Variants in PPARD observed in about 807,000 individuals in gnomAD.
PPARD encodes peroxisome proliferator-activated receptor delta.
PPARD carries 6 observed loss-of-function variants against 39.5 expected under a neutral mutation model. The observed-to-expected ratio is 0.15, with a 90% confidence interval of 0.08 to 0.30. The LOEUF is 0.30. Among genes scored for constraint, PPARD ranks in the 10% least tolerant of loss-of-function variants. The pLI is 1.00. For synonymous variants in PPARD, 210 were observed against 231.3 expected, an observed-to-expected ratio of 0.91 and a Z score of 0.83; for missense variants, 397 against 596.8, an observed-to-expected ratio of 0.67 and a Z score of 3.49.
At chr6:35,400,629 G>A (rs151330587) in intron 2 of PPARD, among the ~76,000 whole-genome samples, 7,964 of 151,826 alleles carry the variant, frequency 0.052, 302 homozygotes, top group African/African-American at 0.1. Flanking sequence ...GCAAAACCCC[G>A]TCTCTACAAA....
Position 35,425,882 on chromosome 6 carries a change from A to G in PPARD, c.1129A>G (p.Ile377Val). The G allele has an allele frequency of 6.2e-7, 1 of 1,614,076 alleles. No homozygotes were observed. The highest frequency in any genetic ancestry group is 8.5e-7 in the Non-Finnish European group (1 of 1,180,020). ...VPRVEAIQDT[I>V]LRALEFHLQA... ...ACGGGTGGAGGCTATCCAGGACACC[A>G]TCCTGCGTGCCCTCGAATTCCACCT... Residue 377 changes from isoleucine (I) to valine (V), a missense_variant, in exon 8 of 8, where the codon ATC becomes GTC. By Grantham distance (29) the Ile-to-Val change is conservative. Coordinates refer to ENST00000360694, the MANE Select transcript of PPARD (RefSeq NM_006238.5). The surrounding 1 kb of genome is among the most constrained non-coding windows in gnomAD (Gnocchi z 4.5).
At chr6:35,371,905 TC>T (rs1762501358) in intron 2 of PPARD, among the ~76,000 whole-genome samples, 1 of 152,226 alleles carries the variant, frequency 6.6e-6, no homozygotes. Context: ...CTGTTTGAGC[TC>T]CCCTAGTCCA....
intron 3 of PPARD, among the ~76,000 whole-genome samples, chr6:35,416,246 C>T (rs990898562): frequency 5.9e-5 from 9 of 151,394 alleles, no homozygotes; most frequent in African/African-American, 7.3e-5. Flanking sequence ...ACTAGCTGGG[C>T]GCCTGTAATC....
At position 35,365,771 on chromosome 6, in the gene PPARD, G is replaced by A. The variant is rs552828974; in HGVS notation, c.-102+18621G>A. On this transcript the variant is annotated intron_variant, in intron 2 of 7. Coordinates refer to ENST00000360694, the MANE Select transcript of PPARD (RefSeq NM_006238.5). The stretch of plus-strand genomic sequence containing the variant: ...CTCCCAAAGTGCTAGGATTACAGGC[G>A]TGAGTCACCATGCACGGCCTGGATG... Among the ~76,000 whole-genome samples, 9 of 151,836 alleles carry A rather than the reference G, an allele frequency of 5.9e-5. No individual in the cohort carries two copies. The East Asian group carries it at 1.5e-3, about 26-fold the overall frequency.
chr6:35,344,207 C>T (rs1467762263), intron 1 of PPARD, among the ~76,000 whole-genome samples: 1 of 152,074 alleles, frequency 6.6e-6, no homozygotes, highest in African/African-American at 2.4e-5. Flanking sequence ...TTTTCTGAAT[C>T]TAGGGAATCC....
chr6:35,411,239 G>T (rs995354032), intron 3 of PPARD, 22 bp downstream of exon 3: 6 of 1,484,118 alleles, frequency 4.0e-6, no homozygotes, highest in Non-Finnish European at 5.4e-6. Context: ...ACTGGCAGGG[G>T]ACACGGGGCA....
chr6:35,375,808 C>T (rs1223397114), intron 2 of PPARD, among the ~76,000 whole-genome samples: 1 of 152,184 alleles, frequency 6.6e-6, no homozygotes, highest in African/African-American at 2.4e-5. Context: ...CCACCTTGGC[C>T]TCCAAAAGTG....
chr6:35,411,149 C>T lies in PPARD; in HGVS notation c.62C>T (p.Ala21Val). ...GAAGAGGAGGAGAAAGAGGAAGTGG[C>T]AGAGGCAGAAGGAGCCCCAGAGCTC... ...VREEEEKEEV[A>V]EAEGAPELNG... The change falls in exon 3 of 8, where the codon GCA becomes GTA. Residue 21 changes from alanine (A) to valine (V), a missense_variant. Transcript: ENST00000360694. 2.5e-6 allele frequency: 4 copies of T among 1,581,878 alleles called. No individual in the cohort carries two copies. Among genetic ancestry groups the T allele is most frequent in the Non-Finnish European group, 3.4e-6 (4 of 1,162,794 alleles).
Position 35,421,851 on chromosome 6 carries a change from T to A in PPARD, c.317T>A (p.Leu106Gln). ...TTCCGTCGTACGATCCGCATGAAGC[T>A]GGAGTACGAGAAGTGTGAGCGCAGC... Reference protein sequence around the residue: ...GFFRRTIRMKLEYEKCERSCK... With the variant: ...GFFRRTIRMKQEYEKCERSCK... The change falls in exon 5 of 8, where the codon CTG becomes CAG. Residue 106 changes from leucine (L) to glutamine (Q), a missense_variant. By Grantham distance (113) the Leu-to-Gln change is moderately radical. Transcript: ENST00000360694. The A allele has an allele frequency of 6.2e-7, 1 of 1,613,892 alleles. No homozygotes were observed. Among genetic ancestry groups the A allele is most frequent in the Non-Finnish European group, 8.5e-7 (1 of 1,179,848 alleles).
At chr6:35,396,348 G>T (rs1297550766) in intron 2 of PPARD, among the ~76,000 whole-genome samples, 1 of 151,246 alleles carries the variant, frequency 6.6e-6, no homozygotes, top group East Asian at 2.0e-4. Flanking sequence ...GGGACTATAG[G>T]CGCCCGCCAC....
At position 35,424,391 on chromosome 6, in the gene PPARD, G is replaced by A. The variant is rs1488222591; in HGVS notation, c.690G>A (p.Gln230=). 1 of 1,613,896 alleles carries A rather than the reference G, an allele frequency of 6.2e-7. No individual in the cohort carries two copies. The highest frequency in any genetic ancestry group is 8.5e-7 in the Non-Finnish European group (1 of 1,179,934). Residue 230 remains glutamine (Q), a synonymous_variant, in exon 7 of 8, where the codon CAG becomes CAA. Coordinates refer to ENST00000360694, the MANE Select transcript of PPARD (RefSeq NM_006238.5). The surrounding 1 kb of genome is among the most constrained non-coding windows in gnomAD (Gnocchi z 7.1). ...WQAEKGLVWK[Q]LVNGLPPYKE... ...CAGAGAAGGGGCTGGTGTGGAAGCA[G>A]TTGGTGAATGGCCTGCCTCCCTACA...
Position 35,417,101 on chromosome 6 carries a change from A to G in PPARD, c.131-3026A>G, listed in dbSNP as rs912143058. ...CAAGTCATCTTCCCACATTCAGGCA[A>G]TCCTCCCACCTCAGCCTCCCAAGTA... On this transcript the variant is annotated intron_variant, in intron 3 of 7. Coordinates refer to ENST00000360694, the MANE Select transcript of PPARD (RefSeq NM_006238.5). 2.6e-5 allele frequency among the ~76,000 whole-genome samples: 4 copies of G among 152,140 alleles called. No homozygotes were observed. The South Asian group carries it at 8.3e-4, about 32-fold the overall frequency.
intron 2 of PPARD, among the ~76,000 whole-genome samples, chr6:35,407,427 A>C (rs1765128493): frequency 6.8e-6 from 1 of 146,692 alleles, no homozygotes. Context: ...TTCTCTTGGG[A>C]CTCATCCCTT....
chr6:35,364,773 G>A (rs1298442089), intron 2 of PPARD, among the ~76,000 whole-genome samples: 4 of 150,954 alleles, frequency 2.6e-5, no homozygotes, highest in Non-Finnish European at 5.9e-5. Flanking sequence ...GCAGTGGCGC[G>A]ATTTCGCCTC....
rs770202154 is a variant in PPARD at position 35,424,430 on chromosome 6, G to T, written c.729G>T (p.Val243=). 1 of 1,614,192 alleles carries T rather than the reference G, an allele frequency of 6.2e-7. No homozygotes were observed. Among genetic ancestry groups the T allele is most frequent in the Admixed American group, 1.7e-5 (1 of 60,026 alleles). ...NGLPPYKEIS[V]HVFYRCQCTT... is the part of the protein sequence containing the mutation. ...TGCCTCCCTACAAGGAGATCAGCGT[G>T]CACGTCTTCTACCGCTGCCAGTGCA... Residue 243 remains valine (V), a synonymous_variant, in exon 7 of 8, where the codon GTG becomes GTT. Transcript: ENST00000360694. This position sits in a 1 kb window ranked among gnomAD's most constrained non-coding sequence, Gnocchi z 7.1.
intron 2 of PPARD, chr6:35,397,503 G>A (rs200484882): frequency 2.9e-5 from 29 of 983,284 alleles, no homozygotes; most frequent in Middle Eastern, 5.2e-4. Flanking sequence ...TGAAGGGTCT[G>A]GAATGGTCTG....
chr6:35,419,247 A>G (rs913446339), intron 3 of PPARD, among the ~76,000 whole-genome samples: 4 of 152,164 alleles, frequency 2.6e-5, no homozygotes, highest in African/African-American at 9.7e-5. Context: ...ATGTGGGGCC[A>G]TGAAACCAGC....
chr6:35,352,698 T>C (rs1761337488), intron 2 of PPARD, among the ~76,000 whole-genome samples: 1 of 152,174 alleles, frequency 6.6e-6, no homozygotes, highest in African/African-American at 2.4e-5. Context: ...TCAGCTGGGC[T>C]GGGTGTCCAC....
intron 2 of PPARD, among the ~76,000 whole-genome samples, chr6:35,384,988 GC>G: frequency 7.1e-6 from 1 of 140,056 alleles, no homozygotes; most frequent in Non-Finnish European, 1.5e-5. Flanking sequence ...CGCCGGGCCA[GC>G]CGCCCCGTCC....
Sources: allele counts gnomAD v4.1 joint callset (sites outside exome capture counted in the v4.1 genomes callset), GRCh38; gene constraint gnomAD v4.1.1; non-coding constraint Gnocchi (gnomAD v3.1); transcripts MANE v1.5; gene names NCBI Gene and HGNC (gene_info 2026-07-23, HGNC 2026-07-21).